The following SLF1 variants were observed in gnomAD, a reference collection of about 807,000 sequenced individuals.
SLF1 encodes SMC5-SMC6 complex localization factor protein 1.
In SLF1, 105 loss-of-function variants were observed where a neutral mutation model predicts 123.0. The ratio of observed to expected loss-of-function variants is 0.85; its 90% CI spans 0.73 to 1.00. The LOEUF is 1.00. Ranked by LOEUF, SLF1 falls within the 50% of genes least tolerant of loss-of-function variation. The pLI is 0.00. For missense variants in SLF1, 1,239 were observed against 1,223.0 expected (o/e 1.01, Z -0.20); for synonymous variants, 434 against 406.6 (o/e 1.07, Z -0.81).
At chr5:94,667,026 A>G (rs1021783783) in intron 12 of SLF1, among the ~76,000 whole-genome samples, 1 of 146,632 alleles carries the variant, frequency 6.8e-6, no homozygotes, top group African/African-American at 2.5e-5. Context: ...AGGACACCTG[A>G]CTAGCCATGC....
chr5:94,658,428 T>TTTGTTG (rs35496935), intron 9 of SLF1, among the ~76,000 whole-genome samples: 21,964 of 150,502 alleles, frequency 0.15, 1,775 homozygotes, highest in East Asian at 0.31. Flanking sequence ...TTGAGTTGGG[T>TTTGTTG]TTGTTGTTGT....
At chr5:94,692,450 A>G (rs1473707115) in intron 20 of SLF1, among the ~76,000 whole-genome samples, 194 bp downstream of exon 20, 1 of 152,104 alleles carries the variant, frequency 6.6e-6, no homozygotes, top group Non-Finnish European at 1.5e-5. Flanking sequence ...CCTTTTCATA[A>G]TGTATATTTG....
At chr5:94,654,882 A>G (rs1748193557) in intron 9 of SLF1, 130 bp downstream of exon 9, 4 of 686,858 alleles carry the variant, frequency 5.8e-6, no homozygotes, top group Non-Finnish European at 8.0e-6. Flanking sequence ...TGATTTTCTT[A>G]GTTTATTAGT....
intron 8 of SLF1, 41 bp downstream of exon 8, chr5:94,653,462 T>C: frequency 6.9e-7 from 1 of 1,450,930 alleles, no homozygotes; most frequent in Non-Finnish European, 9.1e-7. Context: ...TTTTTTATTT[T>C]TTGGCTGTTC....
intron 15 of SLF1, among the ~76,000 whole-genome samples, chr5:94,683,375 A>G (rs1008857692): frequency 6.6e-6 from 1 of 152,200 alleles, no homozygotes; most frequent in African/African-American, 2.4e-5. Context: ...TATACAGTGG[A>G]AGAAGTAAAC....
At chr5:94,627,933 G>A (rs879327012) in intron 1 of SLF1, among the ~76,000 whole-genome samples, 4 of 150,484 alleles carry the variant, frequency 2.7e-5, no homozygotes, top group East Asian at 3.9e-4. Flanking sequence ...GGGTTCAAGC[G>A]ATTTTCCTGC....
chr5:94,668,300 C>G (rs1380850733), intron 12 of SLF1, among the ~76,000 whole-genome samples: 1 of 152,092 alleles, frequency 6.6e-6, no homozygotes, highest in Non-Finnish European at 1.5e-5. Context: ...ACCACCACAC[C>G]TGGCCAATTT....
rs1033414329 is a variant in SLF1, at chr5:94,630,602, A to G, written c.290A>G (p.Asp97Gly). The G allele has an allele frequency of 2.6e-6, 4 of 1,551,706 alleles. No individual in the cohort carries two copies. Among genetic ancestry groups the G allele is most frequent in the East Asian group, 2.4e-5 (1 of 40,914 alleles). ...GAATGGGGATATAAAATTGAAAAAG[A>G]TTCCCGTTATTCACCTCAAATGCAA... ...TYEWGYKIEK[D>G]SRYSPQMQSA... The change falls in exon 4 of 21, where the codon GAT (aspartate) becomes GGT (glycine). Residue 97 changes from aspartate to glycine, a missense_variant. Asp to Gly is a moderately conservative substitution (Grantham distance 94, BLOSUM62 -1). Transcript: ENST00000265140.
At position 94,653,337 on chromosome 5, in the gene SLF1, A is replaced by C. The variant is rs1410323829; in HGVS notation, c.948A>C (p.Lys316Asn). The change falls in exon 8 of 21, where the codon AAA becomes AAC. Residue 316 changes from lysine to asparagine, a missense_variant. Physicochemically the swap from Lys to Asn is moderately conservative, Grantham distance 94. Transcript: ENST00000265140. ...RSYTLRRKRK[K>N]GKESNCKKGV... is the part of the protein sequence containing the mutation. ...ATACTTTGAGGAGAAAACGCAAGAA[A>C]GGAAAAGAAAGCAATTGCAAGAAAG... 6 of 1,526,502 alleles carry C rather than the reference A, an allele frequency of 3.9e-6. No homozygotes were observed. The East Asian group carries it at 1.2e-4, about 32-fold the overall frequency. 94.6% of individuals were successfully genotyped at this position (1,526,502 alleles called of 1,614,324 possible).
chr5:94,674,359 C>CAACATATGTGTGA (rs1712057204), intron 14 of SLF1, among the ~76,000 whole-genome samples: 1 of 152,098 alleles, frequency 6.6e-6, no homozygotes, highest in Non-Finnish European at 1.5e-5. Context: ...TAAATAAAAG[C>CAACATATGTGTGA]AACATATGTG....
chr5:94,693,833 G>A lies in SLF1; in HGVS notation c.2696-998G>A, dbSNP rs1167027618. 2.7e-5 allele frequency among the ~76,000 whole-genome samples: 4 copies of A among 149,026 alleles called. No individual in the cohort carries two copies. In the South Asian group the frequency reaches 8.5e-4, roughly 32 times the overall value. ...GCACAGTGAAAAGGAGCCTAATTTTGTTTTAGAATTATCTTCTTTCCATAA... is the reference window on the plus strand; with the variant it reads ...GCACAGTGAAAAGGAGCCTAATTTTATTTTAGAATTATCTTCTTTCCATAA... On this transcript the variant is annotated intron_variant, in intron 20 of 20. Transcript: ENST00000265140.
chr5:94,659,366 AATT>A (rs1037176466), intron 9 of SLF1, among the ~76,000 whole-genome samples: 2 of 151,156 alleles, frequency 1.3e-5, no homozygotes, highest in African/African-American at 4.9e-5. Context: ...GTTGCTGGAG[AATT>A]ATTGTGTTCC....
chr5:94,688,649 C>G lies in SLF1; in HGVS notation c.2265C>G (p.Val755=). Residue 755 remains valine (V), a synonymous_variant, in exon 17 of 21, where the codon GTC becomes GTG. Transcript: ENST00000265140. The part of the protein sequence containing the change: ...LMLNGTKQKQ[V]EGLPELLDLN... ...TGAATGGTACTAAACAAAAACAAGT[C>G]GAAGGGCTGCCAGAGTTACTGTAAG... 2.5e-6 allele frequency: 4 copies of G among 1,613,896 alleles called. No individual in the cohort carries two copies. The highest frequency in any genetic ancestry group is 3.4e-6 in the Non-Finnish European group (4 of 1,179,926).
chr5:94,676,013 G>A lies in SLF1; in HGVS notation c.1828-2795G>A, dbSNP rs1004070656. Reference sequence around the variant, plus strand: ...GGCTAACATCCTTCTTTCCTGCCCAGAGTCTTAAAGCCTGGGTGGTCTAAA... The same window carrying A: ...GGCTAACATCCTTCTTTCCTGCCCAAAGTCTTAAAGCCTGGGTGGTCTAAA... On this transcript the variant is annotated intron_variant, in intron 14 of 20. Transcript: ENST00000265140. 2.0e-5 allele frequency among the ~76,000 whole-genome samples: 3 copies of A among 150,158 alleles called. No individual in the cohort carries two copies. In the East Asian group the frequency reaches 5.9e-4, roughly 30 times the overall value.
At chr5:94,621,963 CTG>C (rs1791836844) in intron 1 of SLF1, among the ~76,000 whole-genome samples, 1 of 151,894 alleles carries the variant, frequency 6.6e-6, no homozygotes, top group Non-Finnish European at 1.5e-5. Flanking sequence ...GAAATAGACA[CTG>C]TGTCTTTAAA....
At chr5:94,681,446 G>A (rs538319646) in intron 15 of SLF1, among the ~76,000 whole-genome samples, 21 of 152,114 alleles carry the variant, frequency 1.4e-4, no homozygotes, top group African/African-American at 5.1e-4. Context: ...TTTTAAACAT[G>A]TATTTCTAAA....
intron 4 of SLF1, among the ~76,000 whole-genome samples, chr5:94,639,382 T>A (rs573975291): frequency 3.0e-4 from 46 of 152,278 alleles, no homozygotes; most frequent in Non-Finnish European, 5.6e-4. Flanking sequence ...TTCCTTGACT[T>A]CTTTTCCACT....
intron 8 of SLF1, among the ~76,000 whole-genome samples, chr5:94,653,894 G>C (rs115642447): frequency 0.025 from 3,763 of 151,798 alleles, 74 homozygotes; most frequent in Non-Finnish European, 0.033. Flanking sequence ...CCATGGGCTG[G>C]ATGCGGTGGC....
chr5:94,682,777 C>T (rs1439949890), intron 15 of SLF1, among the ~76,000 whole-genome samples: 1 of 152,160 alleles, frequency 6.6e-6, no homozygotes, highest in Non-Finnish European at 1.5e-5. Flanking sequence ...CTCAAATTAT[C>T]TGAAATTTCT....
Sources: gnomAD v4.1 joint callset for allele counts (sites outside exome capture counted in the v4.1 genomes callset) on GRCh38, gnomAD v4.1.1 for gene constraint, MANE v1.5 for transcripts, NCBI Gene and HGNC (gene_info 2026-07-23, HGNC 2026-07-21) for gene names.